AP4E1: variants seen among roughly 807,000 people sequenced by gnomAD.
The protein encoded by AP4E1 is AP-4 complex subunit epsilon-1.
A neutral mutation model predicts 128.2 loss-of-function variants in AP4E1; 56 were observed. The observed-to-expected ratio is 0.44, with a 90% confidence interval of 0.35 to 0.55. AP4E1 has a LOEUF of 0.55. Among genes scored for constraint, AP4E1 ranks in the 20% least tolerant of loss-of-function variants. The probability of loss-of-function intolerance (pLI) is 0.00; values close to 1 mark genes in which losing one functional copy is unlikely to be tolerated. For synonymous variants in AP4E1, 484 were observed against 473.1 expected, an observed-to-expected ratio of 1.02 and a Z score of -0.30; for missense variants, 1,324 against 1,307.7, an observed-to-expected ratio of 1.01 and a Z score of -0.19.
intron 14 of AP4E1, among the ~76,000 whole-genome samples, chr15:50,960,613 A>G (rs569434570): frequency 7.4e-4 from 112 of 152,072 alleles, no homozygotes; most frequent in Non-Finnish European, 1.1e-3. Context: ...ACCAAAACCT[A>G]TGTAATATGG....
intron 3 of AP4E1, among the ~76,000 whole-genome samples, chr15:50,918,930 AAATT>A (rs771769819): frequency 6.6e-6 from 1 of 152,008 alleles, no homozygotes; most frequent in Non-Finnish European, 1.5e-5. Context: ...TTGTTCTCAT[AAATT>A]ATGTTGTAAT....
Position 50,934,639 on chromosome 15 carries a change from G to A in AP4E1, c.885G>A (p.Met295Ile), listed in dbSNP as rs1213200255. The A allele has an allele frequency of 1.2e-6, 2 of 1,606,852 alleles. No homozygotes were observed. The highest frequency in any genetic ancestry group is 1.1e-5 in the South Asian group (1 of 90,850). Residue 295 changes from methionine (M) to isoleucine (I), a missense_variant, in exon 8 of 21, where the codon ATG (methionine) becomes ATA (isoleucine). Transcript: ENST00000261842. ...GKDDQRTSEL[M>I]YDVLDESLRR... ...TTTTAAACAGGACAAGTGAATTAAT[G>A]TATGATGTTCTTGATGAATCCTTAC... is the stretch of plus-strand genomic sequence containing the variant.
intron 5 of AP4E1, among the ~76,000 whole-genome samples, chr15:50,926,565 T>A (rs1045856289): frequency 6.6e-6 from 1 of 152,162 alleles, no homozygotes; most frequent in African/African-American, 2.4e-5. Context: ...GTATTTTTAA[T>A]GTTCTGAGAT....
At chr15:50,962,834 A>G (rs146002773) in intron 14 of AP4E1, among the ~76,000 whole-genome samples, 207 of 145,978 alleles carry the variant, frequency 1.4e-3, no homozygotes, top group Admixed American at 0.012. Flanking sequence ...CTGGGGAAAA[A>G]TATTTACAAA....
chr15:50,907,878 G>A (rs757352519), upstream of AP4E1, among the ~76,000 whole-genome samples: 2 of 152,172 alleles, frequency 1.3e-5, no homozygotes, highest in Non-Finnish European at 2.9e-5. Context: ...CGGAGCAATC[G>A]GAATGAATAA....
chr15:50,985,117 T>C (rs1357169970), intron 16 of AP4E1, among the ~76,000 whole-genome samples: 1 of 152,242 alleles, frequency 6.6e-6, no homozygotes, highest in African/African-American at 2.4e-5. Context: ...TTTTGAGAAG[T>C]GTCTGTTCAT....
At chr15:50,940,570 A>C (rs868853625) in intron 8 of AP4E1, among the ~76,000 whole-genome samples, 2 of 152,196 alleles carry the variant, frequency 1.3e-5, no homozygotes, top group African/African-American at 2.4e-5. Context: ...ATATACTTCA[A>C]CTTGTACTAG....
At chr15:50,988,704 A>C (rs1034713245) in intron 16 of AP4E1, among the ~76,000 whole-genome samples, 6 of 152,170 alleles carry the variant, frequency 3.9e-5, no homozygotes, top group Non-Finnish European at 2.9e-5. Flanking sequence ...ATAAAAGTTC[A>C]AAATTTGAAG....
Position 50,953,678 on chromosome 15 carries a change from C to T in AP4E1, c.1548+3509C>T, listed in dbSNP as rs111414511. On this transcript the variant is annotated intron_variant, in intron 13 of 20. Transcript: ENST00000261842. ...TCATGGCCCCACAGCACAAGAGTTG[C>T]GATGCTGGCAATTTGGATATGCCAA... Among the ~76,000 whole-genome samples, 1,461 of 152,116 alleles carry T rather than the reference C, an allele frequency of 9.6e-3. 38 individuals carry two copies. Among genetic ancestry groups the T allele is most frequent in the African/African-American group, 0.034 (1,408 of 41,490 alleles).
intron 10 of AP4E1, chr15:50,945,441 C>T (rs2140852452): frequency 2.6e-6 from 2 of 776,510 alleles, no homozygotes; most frequent in South Asian, 1.3e-5. Context: ...CAAATGAAGA[C>T]TATAACTTAC....
intron 17 of AP4E1, among the ~76,000 whole-genome samples, chr15:50,996,763 T>C (rs1429380707): frequency 6.6e-6 from 1 of 152,220 alleles, no homozygotes; most frequent in Non-Finnish European, 1.5e-5. Context: ...CTCCTGAATG[T>C]GTGGCAAACA....
chr15:50,908,152 G>A (rs1165769270), upstream of AP4E1, among the ~76,000 whole-genome samples: 1 of 152,142 alleles, frequency 6.6e-6, no homozygotes, highest in Admixed American at 6.5e-5. Flanking sequence ...CAGTGGCCGC[G>A]AGTCCCCGGC....
chr15:50,918,172 A>C (rs2141135424), intron 3 of AP4E1: 2 of 152,348 alleles, frequency 1.3e-5, no homozygotes, highest in African/African-American at 4.8e-5. Flanking sequence ...TGTTGTGCTG[A>C]TATAATCAGG....
intron 14 of AP4E1, among the ~76,000 whole-genome samples, chr15:50,960,744 A>G (rs2064301483): frequency 6.6e-6 from 1 of 151,920 alleles, no homozygotes; most frequent in Non-Finnish European, 1.5e-5. Flanking sequence ...AACAAACCAA[A>G]CTCAACATTA....
rs555855057 is a variant in AP4E1 at position 50,958,500 on chromosome 15, G to T, written c.1557G>T (p.Gly519=). 6.2e-7 allele frequency: 1 copy of T among 1,610,644 alleles called. No individual in the cohort carries two copies. The highest frequency in any genetic ancestry group is 1.7e-5 in the Admixed American group (1 of 59,772). ...RFLQVMSWVL[G]EYSYLLDKET... is the part of the protein sequence containing the mutation. ...CTTTGTTTTATTTACAGGTATTAGG[G>T]GAATATTCCTACCTCTTAGATAAGG... is the stretch of plus-strand genomic sequence containing the variant. The change falls in exon 14 of 21, where the codon GGG becomes GGT. Residue 519 remains glycine (G), a synonymous_variant. Transcript: ENST00000261842.
chr15:50,908,030 G>C (rs1212112927), upstream of AP4E1, among the ~76,000 whole-genome samples: 1 of 152,216 alleles, frequency 6.6e-6, no homozygotes, highest in Non-Finnish European at 1.5e-5. Flanking sequence ...CTAGAAGGAT[G>C]ACCTTTCAAC....
chr15:50,939,623 TA>T, intron 8 of AP4E1, among the ~76,000 whole-genome samples: 1 of 152,192 alleles, frequency 6.6e-6, no homozygotes. Context: ...CTAAGGAAAC[TA>T]AAAATAAGTG....
chr15:51,002,494 T>C lies in AP4E1; in HGVS notation c.3254-8T>C. 1 of 1,614,110 alleles carries C rather than the reference T, an allele frequency of 6.2e-7. No homozygotes were observed. Among genetic ancestry groups the C allele is most frequent in the South Asian group, 1.1e-5 (1 of 91,084 alleles). Reference sequence around the variant, plus strand: ...ATTAAATCATTTTTCACTTTTGTTTTGTTTTAGGCAATGAAGGGCTATTGG... The same window carrying C: ...ATTAAATCATTTTTCACTTTTGTTTCGTTTTAGGCAATGAAGGGCTATTGG... On this transcript the variant is annotated splice_polypyrimidine_tract_variant and splice_region_variant and intron_variant, in intron 20 of 20. Coordinates refer to ENST00000261842, the MANE Select transcript of AP4E1 (RefSeq NM_007347.5).
At chr15:50,924,707 G>A (rs1400054733) in intron 4 of AP4E1, among the ~76,000 whole-genome samples, 1 of 152,130 alleles carries the variant, frequency 6.6e-6, no homozygotes, top group Non-Finnish European at 1.5e-5. Flanking sequence ...ATGAATGTGT[G>A]CATTTTATTG....
Sources: allele counts gnomAD v4.1 joint callset (sites outside exome capture counted in the v4.1 genomes callset), GRCh38; gene constraint gnomAD v4.1.1; transcripts MANE v1.5; gene names NCBI Gene and HGNC (gene_info 2026-07-23, HGNC 2026-07-21).